The following LINGO2 variants were observed in gnomAD, a reference collection of about 807,000 sequenced individuals.
LINGO2 encodes leucine-rich repeat and immunoglobulin-like domain-containing nogo receptor-interacting protein 2.
LINGO2 carries 14 observed loss-of-function variants against 30.6 expected under a neutral mutation model. That is an observed-to-expected ratio of 0.46 (90% CI 0.30 to 0.72). The LOEUF is 0.72. LINGO2 is among the 30% of genes least tolerant of loss of function. The pLI is 0.07. For synonymous variants in LINGO2, 317 were observed against 288.5 expected (o/e 1.10, Z -1.00); for missense variants, 729 against 751.7 (o/e 0.97, Z 0.35).
intron 3 of LINGO2, among the ~76,000 whole-genome samples, chr9:28,370,791 T>C (rs973072097): frequency 1.3e-5 from 2 of 152,206 alleles, no homozygotes; most frequent in African/African-American, 4.8e-5. Context: ...AATGTGATTG[T>C]GGACCCTATT....
At chr9:28,363,725 C>A (rs1820544721) in intron 3 of LINGO2, among the ~76,000 whole-genome samples, 1 of 151,776 alleles carries the variant, frequency 6.6e-6, no homozygotes, top group Non-Finnish European at 1.5e-5. Context: ...TGTACATTTA[C>A]AAAATTTCTA....
In LINGO2 at chr9:28,598,349, G is replaced by A. The variant is rs542199894; in HGVS notation, c.-365+71851C>T. ...TATTCTCACTTGAGAAAAATAAATA[G>A]CTCAGATGGAATTGTATATCAATAA... is the stretch of plus-strand genomic sequence containing the variant. On this transcript the variant is annotated intron_variant, in intron 1 of 5. Coordinates refer to ENST00000379992, the Ensembl canonical transcript of LINGO2. 1.7e-4 allele frequency among the ~76,000 whole-genome samples: 25 copies of A among 147,888 alleles called. No individual in the cohort carries two copies. In the South Asian group the frequency reaches 5.2e-3, roughly 31 times the overall value.
At chr9:28,407,630 A>C (rs1000593709) in intron 2 of LINGO2, among the ~76,000 whole-genome samples, 1 of 152,174 alleles carries the variant, frequency 6.6e-6, no homozygotes, top group African/African-American at 2.4e-5. Flanking sequence ...TTTGCAGCAC[A>C]TAGCAAAACA....
chr9:29,113,463 T>C, the LINGO2 span, among the ~76,000 whole-genome samples: 1 of 151,780 alleles, frequency 6.6e-6, no homozygotes, highest in African/African-American at 2.4e-5. Flanking sequence ...CATGTCAATT[T>C]TGGAGGAAAA....
chr9:29,189,949 C>T, the LINGO2 span, among the ~76,000 whole-genome samples: 3 of 145,290 alleles, frequency 2.1e-5, no homozygotes, highest in South Asian at 4.4e-4. Flanking sequence ...TGCAGTGAGC[C>T]GAGATGGCAG....
At chr9:27,974,181 G>C (rs1259921757) in intron 5 of LINGO2, among the ~76,000 whole-genome samples, 1 of 152,140 alleles carries the variant, frequency 6.6e-6, no homozygotes, top group African/African-American at 2.4e-5. Context: ...AGGTGGCTTT[G>C]TACTTTATGG....
At chr9:28,335,791 T>C (rs1825570285) in intron 3 of LINGO2, among the ~76,000 whole-genome samples, 1 of 152,098 alleles carries the variant, frequency 6.6e-6, no homozygotes, top group Non-Finnish European at 1.5e-5. Flanking sequence ...ATTGGCTGAG[T>C]AATATTGGCA....
At chr9:28,831,697 A>C in the LINGO2 span, among the ~76,000 whole-genome samples, 2 of 152,224 alleles carry the variant, frequency 1.3e-5, no homozygotes, top group Admixed American at 1.3e-4. Context: ...TGAATGGAAG[A>C]AAATGGATGA....
At chr9:28,923,146 C>G in the LINGO2 span, among the ~76,000 whole-genome samples, 3 of 152,170 alleles carry the variant, frequency 2.0e-5, no homozygotes, top group Non-Finnish European at 4.4e-5. Context: ...TGGCACCCTG[C>G]TTTCAGCCCG....
chr9:29,005,085 C>G, the LINGO2 span, among the ~76,000 whole-genome samples: 35 of 151,908 alleles, frequency 2.3e-4, no homozygotes, highest in African/African-American at 6.8e-4. Flanking sequence ...TCATATGTAT[C>G]ATAGAGTTAT....
chr9:28,271,101 T>C (rs986940223), intron 4 of LINGO2, among the ~76,000 whole-genome samples: 1 of 152,026 alleles, frequency 6.6e-6, no homozygotes, highest in African/African-American at 2.4e-5. Flanking sequence ...TTCAAGAACA[T>C]AGTCCTCTTG....
the LINGO2 span, among the ~76,000 whole-genome samples, chr9:29,109,883 T>C: frequency 3.3e-5 from 5 of 152,218 alleles, no homozygotes; most frequent in African/African-American, 1.2e-4. Context: ...GATCATAATC[T>C]TTCAGCAAAT....
chr9:28,307,826 C>T (rs1320350323), intron 3 of LINGO2, among the ~76,000 whole-genome samples: 2 of 152,232 alleles, frequency 1.3e-5, no homozygotes, highest in African/African-American at 4.8e-5. Flanking sequence ...AACTCCTATT[C>T]ACAATTGCTT....
the LINGO2 span, among the ~76,000 whole-genome samples, chr9:29,076,091 T>C: frequency 9.0e-3 from 1,360 of 151,934 alleles, 27 homozygotes; most frequent in African/African-American, 0.031. Context: ...TTGCCCAGGA[T>C]GGTCTCAAAC....
intron 4 of LINGO2, among the ~76,000 whole-genome samples, chr9:28,175,445 G>C (rs77604354): frequency 6.6e-6 from 1 of 152,038 alleles, no homozygotes; most frequent in African/African-American, 2.4e-5. Flanking sequence ...GAAACCATAG[G>C]GGAGGGAGGT....
At chr9:28,891,185 C>T in the LINGO2 span, among the ~76,000 whole-genome samples, 1 of 151,872 alleles carries the variant, frequency 6.6e-6, no homozygotes, top group East Asian at 1.9e-4. Context: ...TGTAGCAGTA[C>T]ATAAAAGTTT....
intron 1 of LINGO2, among the ~76,000 whole-genome samples, chr9:28,666,275 A>G (rs1308217449): frequency 1.3e-5 from 2 of 152,156 alleles, no homozygotes; most frequent in African/African-American, 4.8e-5. Flanking sequence ...ATGCTTAATC[A>G]GAATATATAC....
the LINGO2 span, among the ~76,000 whole-genome samples, chr9:28,848,203 A>AC: frequency 1.1e-5 from 1 of 94,566 alleles, no homozygotes; most frequent in African/African-American, 7.1e-5. Flanking sequence ...CATATATAGT[A>AC]TATATATACT....
exon 6 of LINGO2, chr9:27,948,791 C>T: frequency 6.5e-7 from 1 of 1,531,288 alleles, no homozygotes; most frequent in Non-Finnish European, 8.8e-7. Context: ...ATTTACTGTG[C>T]CATACTGTCT....
Sources: allele counts gnomAD v4.1 joint callset (sites outside exome capture counted in the v4.1 genomes callset), GRCh38; gene constraint gnomAD v4.1.1; transcripts MANE v1.5; gene names NCBI Gene and HGNC (gene_info 2026-07-23, HGNC 2026-07-21).